Variants in SHPRH observed in about 807,000 individuals in gnomAD.
SHPRH encodes the protein E3 ubiquitin-protein ligase SHPRH.
In SHPRH, 106 loss-of-function variants were observed where a neutral mutation model predicts 202.5. The observed-to-expected ratio is 0.52, with a 90% CI of 0.45 to 0.62. The LOEUF is 0.62. Among genes scored for constraint, SHPRH ranks in the 20% least tolerant of loss-of-function variants. The pLI is 0.00. For synonymous variants in SHPRH, 729 were observed against 686.0 expected, an observed-to-expected ratio of 1.06 and a Z score of -0.98; for missense variants, 1,710 against 2,020.0, an observed-to-expected ratio of 0.85 and a Z score of 2.94.
intron 2 of SHPRH, among the ~76,000 whole-genome samples, chr6:145,869,377 T>C (rs1779950340): frequency 6.6e-6 from 1 of 152,224 alleles, no homozygotes. Context: ...CTGTTTTGGA[T>C]TGTGCCTCGG....
chr6:145,880,151 C>G (rs1780496474), downstream of SHPRH, among the ~76,000 whole-genome samples: 1 of 151,968 alleles, frequency 6.6e-6, no homozygotes, highest in Admixed American at 6.6e-5. Flanking sequence ...CCTCATGTTA[C>G]CAGGTGTATC....
At chr6:145,877,185 T>C (rs1050070197) in intron 2 of SHPRH, among the ~76,000 whole-genome samples, 1 of 152,178 alleles carries the variant, frequency 6.6e-6, no homozygotes, top group Admixed American at 6.5e-5. Context: ...CTTAAGTACA[T>C]AGGAGTGGCA....
At chr6:145,954,042 T>C (rs909478882) in intron 2 of SHPRH, among the ~76,000 whole-genome samples, 5 of 151,418 alleles carry the variant, frequency 3.3e-5, no homozygotes, top group African/African-American at 1.2e-4. Flanking sequence ...GGGCACATAA[T>C]ACTACCAATA....
chr6:145,887,933 G>T, intron 29 of SHPRH, 87 bp downstream of exon 29: 1 of 1,028,168 alleles, frequency 9.7e-7, no homozygotes, highest in Admixed American at 2.1e-5. Context: ...TATATTTTTC[G>T]TTGTCATCTA....
intron 1 of SHPRH, among the ~76,000 whole-genome samples, chr6:145,958,487 G>A (rs1324814000): frequency 1.3e-5 from 2 of 151,596 alleles, no homozygotes; most frequent in Admixed American, 1.3e-4. Context: ...AATATGAATA[G>A]ACCAATAACC....
At chr6:145,907,972 T>C (rs1046468509) in intron 25 of SHPRH, 9 of 152,192 alleles carry the variant, frequency 5.9e-5, no homozygotes, top group Admixed American at 3.9e-4. Flanking sequence ...TTTGTGTCCA[T>C]GTGTTCTCAG....
intron 14 of SHPRH, among the ~76,000 whole-genome samples, chr6:145,929,362 A>C (rs1785201432): frequency 6.6e-6 from 1 of 152,030 alleles, no homozygotes; most frequent in Non-Finnish European, 1.5e-5. Flanking sequence ...ATACCAGTCA[A>C]GGAGAATCTC....
intron 25 of SHPRH, among the ~76,000 whole-genome samples, chr6:145,898,766 G>A (rs910038188): frequency 6.6e-6 from 1 of 152,002 alleles, no homozygotes; most frequent in Non-Finnish European, 1.5e-5. Context: ...TCACCAGAAG[G>A]GCCATCTCCT....
At chr6:145,934,473 T>TAAATA (rs71552941) in intron 13 of SHPRH, among the ~76,000 whole-genome samples, 7,317 of 131,816 alleles carry the variant, frequency 0.056, 281 homozygotes, top group East Asian at 0.15. Context: ...TCTCAAAAAA[T>TAAATA]AAATAAAATA....
intron 2 of SHPRH, among the ~76,000 whole-genome samples, chr6:145,874,661 C>T (rs896247697): frequency 2.0e-5 from 3 of 152,092 alleles, no homozygotes; most frequent in African/African-American, 7.2e-5. Context: ...ATTTTAAAAT[C>T]ACATTTTTAT....
chr6:145,877,699 T>G (rs145754607), intron 2 of SHPRH: 1 of 152,322 alleles, frequency 6.6e-6, no homozygotes, highest in East Asian at 1.9e-4. Context: ...AGAAACATTT[T>G]ACAACCTACC....
intron 25 of SHPRH, among the ~76,000 whole-genome samples, chr6:145,896,937 T>C: frequency 6.6e-6 from 1 of 151,056 alleles, no homozygotes; most frequent in Admixed American, 6.6e-5. Flanking sequence ...AACAACTACA[T>C]AAAAAAAGAG....
intron 1 of SHPRH, among the ~76,000 whole-genome samples, chr6:145,962,234 TAG>T (rs1173459398): frequency 6.6e-6 from 1 of 152,230 alleles, no homozygotes; most frequent in African/African-American, 2.4e-5. Context: ...TCCCAACTGC[TAG>T]AGTGTTCACT....
chr6:145,886,860 G>T, intron 29 of SHPRH, 73 bp from the exon 30 acceptor site: 2 of 1,453,658 alleles, frequency 1.4e-6, no homozygotes, highest in Non-Finnish European at 1.8e-6. Flanking sequence ...GTAGTAATAC[G>T]AACTAGACAC....
intron 15 of SHPRH, 111 bp downstream of exon 15, chr6:145,927,078 C>A: frequency 1.1e-6 from 1 of 913,810 alleles, no homozygotes; most frequent in South Asian, 1.5e-5. Context: ...TCCCAAGTTT[C>A]ACCCAGTGAT....
rs991984481 is a variant in SHPRH, at chr6:145,913,422, C to G, written c.4326+56G>C. On this transcript the variant is annotated intron_variant, in intron 24 of 29. Coordinates refer to ENST00000275233, the MANE Select transcript of SHPRH (RefSeq NM_001042683.3). The stretch of plus-strand genomic sequence containing the variant: ...ACGAGAGAAAGATTTTATGTAGAAA[C>G]CTTTGAAAACTGTAAGGTATTTTAT... The G allele has an allele frequency of 1.2e-5, 18 of 1,473,300 alleles. No homozygotes were observed. In the Middle Eastern group the frequency reaches 5.9e-4, roughly 48 times the overall value. The allele number at this position is 1,473,300 out of a possible 1,614,324, so 91.3% of individuals were successfully genotyped here. A position where few individuals can be genotyped will look rare whatever the true frequency, so the allele number is the denominator to read the frequency against.
intron 25 of SHPRH, among the ~76,000 whole-genome samples, chr6:145,896,634 A>T (rs1195791999): frequency 6.6e-6 from 1 of 151,994 alleles, no homozygotes; most frequent in Non-Finnish European, 1.5e-5. Flanking sequence ...GTTACTTCCT[A>T]CTTTCCTAGC....
chr6:145,908,227 G>T (rs1431884440), intron 25 of SHPRH: 1 of 152,036 alleles, frequency 6.6e-6, no homozygotes, highest in African/African-American at 2.4e-5. Context: ...GTAAACATTT[G>T]TGTGTATATG....
At chr6:145,904,485 G>C (rs929909571) in intron 25 of SHPRH, 1 of 152,112 alleles carries the variant, frequency 6.6e-6, no homozygotes, top group Non-Finnish European at 1.5e-5. Flanking sequence ...TCATTTATGT[G>C]GAAGTTTCAA....
Sources: gnomAD v4.1 joint callset for allele counts (sites outside exome capture counted in the v4.1 genomes callset) on GRCh38, gnomAD v4.1.1 for gene constraint, MANE v1.5 for transcripts, NCBI Gene and HGNC (gene_info 2026-07-23, HGNC 2026-07-21) for gene names.